HNMT: variants seen among roughly 807,000 people sequenced by gnomAD.
HNMT encodes histamine N-methyltransferase.
In HNMT, 30 loss-of-function variants were observed where a neutral mutation model predicts 32.1. That is an observed-to-expected ratio of 0.93 (90% CI 0.70 to 1.27). The LOEUF (loss-of-function observed/expected upper bound fraction) is 1.27. Among genes scored for constraint, HNMT ranks in the 50% most tolerant of loss-of-function variants. The pLI, the probability that HNMT is intolerant of heterozygous loss-of-function variation, is 0.00. For synonymous variants in HNMT, 125 were observed against 119.0 expected (o/e 1.05, Z -0.33); for missense variants, 327 against 346.0 (o/e 0.95, Z 0.43).
intron 2 of HNMT, among the ~76,000 whole-genome samples, chr2:137,981,948 G>A (rs1383687871): frequency 1.3e-5 from 2 of 152,086 alleles, no homozygotes; most frequent in Admixed American, 1.3e-4. Context: ...CCGTCTCTCA[G>A]GCTCATGTGA....
At chr2:137,983,399 A>AT (rs1270680963) in intron 2 of HNMT, among the ~76,000 whole-genome samples, 5 of 152,092 alleles carry the variant, frequency 3.3e-5, no homozygotes, top group African/African-American at 4.8e-5. Context: ...CAATCTGTAC[A>AT]TTTTTATTCT....
At chr2:138,008,301 C>T (rs116097377) in intron 5 of HNMT, among the ~76,000 whole-genome samples, 2,369 of 151,982 alleles carry the variant, frequency 0.016, 53 homozygotes, top group African/African-American at 0.054. Flanking sequence ...CATCCATGTC[C>T]CCAGAAAAGA....
chr2:137,978,062 T>A (rs1680340446), intron 2 of HNMT, among the ~76,000 whole-genome samples: 1 of 152,096 alleles, frequency 6.6e-6, no homozygotes, highest in African/African-American at 2.4e-5. Context: ...TTGTGGTGGT[T>A]GTTATTGTTG....
intron 4 of HNMT, among the ~76,000 whole-genome samples, chr2:138,003,689 C>A (rs60944290): frequency 0.025 from 3,794 of 152,130 alleles, 159 homozygotes; most frequent in African/African-American, 0.086. Flanking sequence ...CGTTCTGAGC[C>A]AATGACCTCA....
At chr2:138,010,434 G>GAC (rs375739175) in intron 5 of HNMT, among the ~76,000 whole-genome samples, 26,025 of 117,596 alleles carry the variant, frequency 0.22, 2,810 homozygotes, top group Admixed American at 0.33. Context: ...CAATAAAAAA[G>GAC]ACACACGCAC....
intron 2 of HNMT, among the ~76,000 whole-genome samples, chr2:137,970,940 AGAAAGAAAGAAAG>A (rs1680114320): frequency 1.7e-3 from 15 of 8,572 alleles, no homozygotes; most frequent in South Asian, 0.011. Context: ...AAAAAAAGAA[AGAAAGAAAGAAAG>A]AAAGAAAGAA....
At chr2:137,978,465 CAATACATAT>C in intron 2 of HNMT, among the ~76,000 whole-genome samples, 1 of 138,146 alleles carries the variant, frequency 7.2e-6, no homozygotes, top group South Asian at 2.3e-4. Flanking sequence ...TAGTATTATA[CAATACATAT>C]GATTAGATAA....
intron 2 of HNMT, among the ~76,000 whole-genome samples, chr2:137,996,050 A>C (rs1281309251): frequency 6.6e-6 from 1 of 152,106 alleles, no homozygotes; most frequent in African/African-American, 2.4e-5. Context: ...TGACAAACTT[A>C]CCCAACCAAT....
intron 2 of HNMT, chr2:137,981,670 G>T: frequency 2.7e-6 from 1 of 372,928 alleles, no homozygotes; most frequent in Non-Finnish European, 4.9e-6. Flanking sequence ...CATGAACTGT[G>T]GTAAATTATC....
At chr2:137,981,059 C>A (rs1211341544) in intron 2 of HNMT, among the ~76,000 whole-genome samples, 1 of 151,842 alleles carries the variant, frequency 6.6e-6, no homozygotes, top group African/African-American at 2.4e-5. Flanking sequence ...GTAGAGGGAA[C>A]AAAAATGATA....
At chr2:137,971,927 C>T (rs1411278480) in intron 2 of HNMT, among the ~76,000 whole-genome samples, 1 of 152,064 alleles carries the variant, frequency 6.6e-6, no homozygotes, top group Non-Finnish European at 1.5e-5. Flanking sequence ...GTAATGGTTA[C>T]AACTCGATAT....
At chr2:138,009,393 T>C (rs1681426614) in intron 5 of HNMT, among the ~76,000 whole-genome samples, 1 of 151,904 alleles carries the variant, frequency 6.6e-6, no homozygotes, top group Non-Finnish European at 1.5e-5. Flanking sequence ...AACCCTCTTA[T>C]AGAGTAGTTT....
intron 1 of HNMT, among the ~76,000 whole-genome samples, chr2:137,965,232 T>C (rs1373835595): frequency 1.3e-5 from 2 of 152,116 alleles, no homozygotes; most frequent in Non-Finnish European, 2.9e-5. Flanking sequence ...CCTATCCTTC[T>C]TGCAGAGTTC....
At chr2:137,973,786 G>T (rs542570094) in intron 2 of HNMT, among the ~76,000 whole-genome samples, 4 of 151,964 alleles carry the variant, frequency 2.6e-5, no homozygotes, top group South Asian at 4.2e-4. Context: ...TTTTGGGGGG[G>T]GGTGGTCTAT....
rs1680806132 is a variant in HNMT at position 137,991,207 on chromosome 2, C to T, written c.191-9711C>T. ...GGATATGCCACCTGCCAGGATCCTA[C>T]ACATGTTCACTATCTGGAAGCTCTT... is the stretch of plus-strand genomic sequence containing the variant. On this transcript the variant is annotated intron_variant, in intron 2 of 5. Transcript: ENST00000280097. Among the ~76,000 whole-genome samples the T allele has an allele frequency of 2.0e-5, 3 of 152,328 alleles. No homozygotes were observed. The South Asian group carries it at 6.2e-4, about 32-fold the overall frequency.
intron 1 of HNMT, among the ~76,000 whole-genome samples, chr2:137,964,986 A>T (rs1027833607): frequency 6.6e-6 from 1 of 152,206 alleles, no homozygotes; most frequent in African/African-American, 2.4e-5. Flanking sequence ...AAAAAGTCCC[A>T]AAGGGAGTCT....
rs1681293201 is a variant in HNMT at position 138,005,191 on chromosome 2, T to C, written c.489T>C (p.Gly163=). Residue 163 remains glycine (G), a synonymous_variant, in exon 5 of 6, where the codon GGT becomes GGC. Coordinates refer to ENST00000280097, the MANE Select transcript of HNMT (RefSeq NM_006895.3). ...ATLKFFHSLL[G]TNAKMLIIVV... ...TGAAATTCTTCCATAGTCTCTTAGG[T>C]ACCAATGCTAAGATGCTCATTATTG... 1 of 1,600,578 alleles carries C rather than the reference T, an allele frequency of 6.2e-7. No homozygotes were observed. Among genetic ancestry groups the C allele is most frequent in the Non-Finnish European group, 8.6e-7 (1 of 1,168,286 alleles).
intron 5 of HNMT, among the ~76,000 whole-genome samples, chr2:138,011,849 T>C (rs1681515717): frequency 6.6e-6 from 1 of 152,122 alleles, no homozygotes; most frequent in Non-Finnish European, 1.5e-5. Context: ...CTTGTAGCAG[T>C]CTATAAATGG....
intron 5 of HNMT, among the ~76,000 whole-genome samples, chr2:138,005,668 A>G (rs1241714754): frequency 6.6e-6 from 1 of 152,056 alleles, no homozygotes; most frequent in Non-Finnish European, 1.5e-5. Context: ...TAGAGCCATG[A>G]TCAACACTGC....
Sources: allele counts gnomAD v4.1 joint callset (sites outside exome capture counted in the v4.1 genomes callset), GRCh38; gene constraint gnomAD v4.1.1; transcripts MANE v1.5; gene names NCBI Gene and HGNC (gene_info 2026-07-23, HGNC 2026-07-21).